The following CELF2 variants were observed in gnomAD, a reference collection of about 807,000 sequenced individuals.
The protein encoded by CELF2 is CUG triplet repeat RNA-binding protein 2.
A neutral mutation model predicts 62.6 loss-of-function variants in CELF2; 8 were observed. The observed-to-expected ratio is 0.13, with a 90% CI of 0.07 to 0.23. The LOEUF (loss-of-function observed/expected upper bound fraction) is 0.23. Ranked by LOEUF, CELF2 falls within the 10% of genes least tolerant of loss-of-function variation. The pLI is 1.00. For missense variants in CELF2, 333 were observed against 671.0 expected, an observed-to-expected ratio of 0.50 and a Z score of 5.56; for synonymous variants, 258 against 250.0, an observed-to-expected ratio of 1.03 and a Z score of -0.30.
chr10:10,926,701 A>G (rs2134971267), intron 2 of CELF2, among the ~76,000 whole-genome samples: 1 of 151,892 alleles, frequency 6.6e-6, no homozygotes, highest in Middle Eastern at 3.4e-3. Context: ...TAGGGAGGGG[A>G]CATTGGGTTT....
At chr10:10,741,917 G>A in the CELF2 span, among the ~76,000 whole-genome samples, 30 of 152,268 alleles carry the variant, frequency 2.0e-4, no homozygotes, top group Non-Finnish European at 3.4e-4. Context: ...GTCTAATGGT[G>A]ATTTCTCTAT....
the CELF2 span, among the ~76,000 whole-genome samples, chr10:10,490,195 A>C: frequency 6.6e-6 from 1 of 152,148 alleles, no homozygotes; most frequent in African/African-American, 2.4e-5. Context: ...TTTAGCCTAA[A>C]TACCAGATTT....
intron 2 of CELF2, among the ~76,000 whole-genome samples, chr10:10,920,277 A>T (rs535609082): frequency 6.6e-6 from 1 of 152,342 alleles, no homozygotes; most frequent in Admixed American, 6.5e-5. Context: ...TGAGCTAGAT[A>T]TGCCATAGAA....
intron 10 of CELF2, among the ~76,000 whole-genome samples, chr10:11,320,058 T>C (rs1367799849): frequency 6.6e-6 from 1 of 152,202 alleles, no homozygotes; most frequent in Non-Finnish European, 1.5e-5. Flanking sequence ...AGATTTTCAT[T>C]AATGTTTTCA....
At chr10:10,684,973 G>C in the CELF2 span, among the ~76,000 whole-genome samples, 2 of 152,174 alleles carry the variant, frequency 1.3e-5, no homozygotes, top group South Asian at 2.1e-4. Flanking sequence ...GATTCTCTTT[G>C]GTTAGAGCAA....
chr10:11,151,345 T>A (rs2063299582), intron 1 of CELF2, among the ~76,000 whole-genome samples: 1 of 152,238 alleles, frequency 6.6e-6, no homozygotes. Context: ...CTTCTGTATC[T>A]TTTCCATGGA....
chr10:10,859,594 C>T (rs1414621945), intron 1 of CELF2, among the ~76,000 whole-genome samples: 1 of 152,066 alleles, frequency 6.6e-6, no homozygotes, highest in African/African-American at 2.4e-5. Flanking sequence ...ATCTGTCATC[C>T]TATTAAATAA....
At chr10:10,605,529 G>A in the CELF2 span, among the ~76,000 whole-genome samples, 1 of 152,156 alleles carries the variant, frequency 6.6e-6, no homozygotes, top group Non-Finnish European at 1.5e-5. Flanking sequence ...ATACAAATAC[G>A]ATTACTCTTT....
At position 11,329,020 on chromosome 10, in the gene CELF2, G is replaced by C. The variant is rs2095907089; in HGVS notation, c.1533G>C (p.Leu511=). 1 of 1,611,534 alleles carries C rather than the reference G, an allele frequency of 6.2e-7. No individual in the cohort carries two copies. The highest frequency in any genetic ancestry group is 1.7e-5 in the Admixed American group (1 of 59,938). ...GCATGAAACGCTTGAAGGTGCAGCTGAAGCGTTCCAAAAACGACAGCAAAC... is the reference window on the plus strand; with the variant it reads ...GCATGAAACGCTTGAAGGTGCAGCTCAAGCGTTCCAAAAACGACAGCAAAC... ...QIGMKRLKVQ[L]KRSKNDSKPY is the part of the protein sequence containing the mutation. Residue 511 remains leucine, a synonymous_variant, in exon 13 of 13, where the codon CTG becomes CTC. Coordinates refer to ENST00000633077, the MANE Select transcript of CELF2 (RefSeq NM_001326342.2). The surrounding 1 kb of genome is among the most constrained non-coding windows in gnomAD (Gnocchi z 5.5).
At chr10:10,874,732 A>G (rs2060977999) in intron 1 of CELF2, among the ~76,000 whole-genome samples, 1 of 152,200 alleles carries the variant, frequency 6.6e-6, no homozygotes, top group Admixed American at 6.5e-5. Flanking sequence ...TCATTTAATA[A>G]AAATAATATA....
the CELF2 span, among the ~76,000 whole-genome samples, chr10:10,765,059 T>C: frequency 1.3e-5 from 2 of 152,152 alleles, no homozygotes; most frequent in African/African-American, 4.8e-5. Context: ...AGTACCACCT[T>C]TGGGGGTGGA....
rs1241304688 is a variant in CELF2 at position 11,318,590 on chromosome 10, G to A, written c.1097-2599G>A. On this transcript the variant is annotated intron_variant, in intron 10 of 12. Coordinates refer to ENST00000633077, the MANE Select transcript of CELF2 (RefSeq NM_001326342.2). This position sits in a 1 kb window ranked among gnomAD's most constrained non-coding sequence, Gnocchi z 5.4. ...GGAGCCAGGAGAGAAGGATGTGGCT[G>A]GAATGTCACTGGCTGGAGCTCCAAG... 15 of 373,214 alleles carry A rather than the reference G, an allele frequency of 4.0e-5. No individual in the cohort carries two copies. Among genetic ancestry groups the A allele is most frequent in the South Asian group, 2.9e-4 (14 of 47,814 alleles). The allele number at this position is 373,214 out of a possible 1,614,324, so 23.1% of individuals were successfully genotyped here. A position where few individuals can be genotyped will look rare whatever the true frequency, so the allele number is the denominator to read the frequency against.
chr10:10,549,159 A>G, the CELF2 span, among the ~76,000 whole-genome samples: 1 of 152,202 alleles, frequency 6.6e-6, no homozygotes, highest in Non-Finnish European at 1.5e-5. Context: ...GTGGTAAACT[A>G]GTTTGCTTGG....
intron 11 of CELF2, among the ~76,000 whole-genome samples, chr10:11,322,169 G>C (rs2095475683): frequency 6.6e-6 from 1 of 152,180 alleles, no homozygotes; most frequent in South Asian, 2.1e-4. Flanking sequence ...GTTTGCCAGG[G>C]TTTTGGAGTC....
chr10:10,813,653 A>C (rs748291401), intron 1 of CELF2, among the ~76,000 whole-genome samples: 8 of 152,248 alleles, frequency 5.3e-5, no homozygotes, highest in African/African-American at 1.9e-4. Context: ...CCCCTTCTCC[A>C]TGAAAGCACA....
At chr10:11,139,670 T>A (rs1167086948) in intron 1 of CELF2, among the ~76,000 whole-genome samples, 1 of 152,216 alleles carries the variant, frequency 6.6e-6, no homozygotes, top group Non-Finnish European at 1.5e-5. Context: ...TTTCCATTAT[T>A]AGTCTATTTT....
the CELF2 span, among the ~76,000 whole-genome samples, chr10:10,554,888 A>AT: frequency 1.3e-5 from 2 of 152,198 alleles, no homozygotes; most frequent in Non-Finnish European, 2.9e-5. Context: ...TAAGATGCAA[A>AT]TAATCCTAGA....
intron 1 of CELF2, among the ~76,000 whole-genome samples, chr10:11,134,420 AG>A (rs1190030072): frequency 6.6e-6 from 1 of 152,254 alleles, no homozygotes; most frequent in African/African-American, 2.4e-5. Flanking sequence ...CGGTAGCCAC[AG>A]GGAAGGCTTG....
the CELF2 span, among the ~76,000 whole-genome samples, chr10:10,584,053 A>C: frequency 2.6e-5 from 4 of 152,300 alleles, no homozygotes; most frequent in African/African-American, 9.6e-5. Context: ...ATAGAGACTT[A>C]GGATGTTGAT....
Sources: allele counts gnomAD v4.1 joint callset (sites outside exome capture counted in the v4.1 genomes callset), GRCh38; gene constraint gnomAD v4.1.1; non-coding constraint Gnocchi (gnomAD v3.1); transcripts MANE v1.5; gene names NCBI Gene and HGNC (gene_info 2026-07-23, HGNC 2026-07-21).